TUBGCP6: variants seen among roughly 807,000 people sequenced by gnomAD.
TUBGCP6 encodes tubulin gamma complex component 6.
TUBGCP6 carries 161 observed loss-of-function variants against 175.8 expected under a neutral mutation model. The observed-to-expected ratio is 0.92, with a 90% CI of 0.81 to 1.04. TUBGCP6 has a LOEUF of 1.04. Ranked by LOEUF, TUBGCP6 falls within the 50% of genes least tolerant of loss-of-function variation. The pLI is 0.00. For missense variants in TUBGCP6, 2,572 were observed against 2,433.0 expected, an observed-to-expected ratio of 1.06 and a Z score of -1.20; for synonymous variants, 1,173 against 1,030.5, an observed-to-expected ratio of 1.14 and a Z score of -2.65.
chr22:50,228,278 G>C (rs556196601), intron 4 of TUBGCP6, among the ~76,000 whole-genome samples: 13 of 50,168 alleles, frequency 2.6e-4, no homozygotes, highest in Non-Finnish European at 4.6e-4. Flanking sequence ...GCTGCCCCAG[G>C]GGCGCCCACC....
Position 50,244,102 on chromosome 22 carries a change from T to A in TUBGCP6, c.358A>T (p.Ser120Cys), listed in dbSNP as rs1362681995. 1.2e-6 allele frequency: 2 copies of A among 1,613,562 alleles called. No homozygotes were observed. The highest frequency in any genetic ancestry group is 1.7e-6 in the Non-Finnish European group (2 of 1,180,018). ...CTCGGCAGAACTTGAGGGGGACCAC[T>A]CCCTGCCAGCTGAACCAGGAGGTCC... ...VLDLLVQLAG[S>C]GPPQVLPRKR... Residue 120 changes from serine to cysteine, a missense_variant, in exon 1 of 25, where the codon AGT (serine) becomes TGT (cysteine). Ser to Cys is a moderately radical substitution (Grantham distance 112). Coordinates refer to ENST00000248846, the MANE Select transcript of TUBGCP6 (RefSeq NM_020461.4).
intron 2 of TUBGCP6, among the ~76,000 whole-genome samples, chr22:50,239,701 G>A (rs1463505642): frequency 3.9e-5 from 6 of 152,180 alleles, no homozygotes; most frequent in Non-Finnish European, 4.4e-5. Flanking sequence ...AGACACGGAC[G>A]GAAAAGGTTC....
intron 2 of TUBGCP6, among the ~76,000 whole-genome samples, chr22:50,237,232 G>A (rs182357058): frequency 1.1e-4 from 17 of 152,340 alleles, no homozygotes; most frequent in African/African-American, 2.6e-4. Context: ...GTGGCCCCCC[G>A]TGGGGTCTTG....
intron 2 of TUBGCP6, 64 bp downstream of exon 2, chr22:50,240,140 C>T: frequency 1.2e-6 from 2 of 1,602,590 alleles, no homozygotes; most frequent in East Asian, 2.3e-5. Flanking sequence ...CCACACACCC[C>T]ATCCAAGGCC....
chr22:50,240,153 G>A (rs1032418264), intron 2 of TUBGCP6, 51 bp downstream of exon 2: 4 of 1,609,272 alleles, frequency 2.5e-6, no homozygotes, highest in Middle Eastern at 2.1e-4. Context: ...CCAAGGCCAC[G>A]CTCATGCAGG....
In TUBGCP6 at chr22:50,226,735, G is replaced by C; in HGVS notation, c.1599C>G (p.Thr533=). ...SLLKTSCEPY[T]RFIHDWVYSG... is the part of the protein sequence containing the mutation. ...CGCCTGCCCAGCCCACTGCCCACCG[G>C]GTGTAGGGCTCGCAGCTGGTCTTCA... Residue 533 remains threonine, a splice_region_variant and synonymous_variant, in exon 7 of 25, where the codon ACC becomes ACG. Transcript: ENST00000248846. The C allele has an allele frequency of 6.3e-7, 1 of 1,580,046 alleles. No homozygotes were observed. Among genetic ancestry groups the C allele is most frequent in the Admixed American group, 1.9e-5 (1 of 53,416 alleles).
intron 2 of TUBGCP6, among the ~76,000 whole-genome samples, chr22:50,234,224 ACAGC>A (rs2064731713): frequency 6.9e-6 from 1 of 145,064 alleles, no homozygotes; most frequent in South Asian, 2.2e-4. Flanking sequence ...ACCCAGGTCC[ACAGC>A]AGCATCATCC....
At chr22:50,235,347 C>T (rs553863309) in intron 2 of TUBGCP6, among the ~76,000 whole-genome samples, 173 of 152,288 alleles carry the variant, frequency 1.1e-3, no homozygotes, top group Non-Finnish European at 1.7e-3. Context: ...CCCCCGTCCA[C>T]GGCAACAACA....
At chr22:50,224,025 T>C in intron 13 of TUBGCP6, 116 bp downstream of exon 13, 1 of 904,158 alleles carries the variant, frequency 1.1e-6, no homozygotes, top group South Asian at 1.5e-5. Context: ...TCTTTCTACC[T>C]TAATGTATGT....
chr22:50,231,859 C>CAAAAA (rs71198231), intron 3 of TUBGCP6, among the ~76,000 whole-genome samples: 1 of 123,070 alleles, frequency 8.1e-6, no homozygotes, highest in African/African-American at 3.1e-5. Context: ...GACTCCGTCT[C>CAAAAA]AAAAAAAAAA....
In TUBGCP6 at chr22:50,240,285, C is replaced by A; in HGVS notation, c.824G>T (p.Ser275Ile). ...CCACAGGTCCACGTCTGGGGTCACG[C>A]TGGGCTCAGACTGGGAATCAGGAGT... ...NLTPDSQSEP[S>I]VTPDVDLWEA... Residue 275 changes from serine to isoleucine, a missense_variant, in exon 2 of 25, where the codon AGC becomes ATC. By Grantham distance (142) the Ser-to-Ile change is moderately radical. Coordinates refer to ENST00000248846, the MANE Select transcript of TUBGCP6 (RefSeq NM_020461.4). 6.2e-7 allele frequency: 1 copy of A among 1,614,042 alleles called. No homozygotes were observed. The highest frequency in any genetic ancestry group is 8.5e-7 in the Non-Finnish European group (1 of 1,180,030).
chr22:50,225,830 CCT>C lies in TUBGCP6; in HGVS notation c.1945_1946del (p.Arg649GlyfsTer40), dbSNP rs1489672591. 6.2e-7 allele frequency: 1 copy of C among 1,613,728 alleles called. No individual in the cohort carries two copies. The highest frequency in any genetic ancestry group is 1.3e-5 in the African/African-American group (1 of 75,022). Reference sequence around the variant, plus strand: ...TGCTGACAGAGCTGTGGCGGGCCACCCTCTCCATGCGCCCAACGTAGACGGCA... The same window carrying C: ...TGCTGACAGAGCTGTGGCGGGCCACCCTCCATGCGCCCAACGTAGACGGCA... ...DCAVYVGRME[R>X]VARHSSVSKE... On this transcript the variant is annotated frameshift_variant, in exon 10 of 25. Transcript: ENST00000248846. LOFTEE classifies it high-confidence loss of function.
chr22:50,240,535 G>A (rs1569126922), intron 1 of TUBGCP6, among the ~76,000 whole-genome samples, 168 bp from the exon 2 acceptor site: 1 of 152,146 alleles, frequency 6.6e-6, no homozygotes, highest in Non-Finnish European at 1.5e-5. Flanking sequence ...GCCATTTAAG[G>A]AATTAAACAA....
chr22:50,223,937 A>C, intron 13 of TUBGCP6: 1 of 588,220 alleles, frequency 1.7e-6, no homozygotes, highest in Non-Finnish European at 3.0e-6. Flanking sequence ...ACAAACCACC[A>C]CAAGACAACG....
At chr22:50,242,162 G>A (rs1002436892) in intron 1 of TUBGCP6, among the ~76,000 whole-genome samples, 4 of 152,034 alleles carry the variant, frequency 2.6e-5, no homozygotes, top group Admixed American at 2.0e-4. Context: ...CGTGGTGGCA[G>A]GCACCTGTAG....
chr22:50,240,084 TACTA>T, intron 2 of TUBGCP6, 116 bp downstream of exon 2: 1 of 1,379,890 alleles, frequency 7.2e-7, no homozygotes, highest in South Asian at 1.2e-5. Context: ...TAGCTTAGGT[TACTA>T]ACCCATCACA....
intron 2 of TUBGCP6, among the ~76,000 whole-genome samples, chr22:50,239,168 GTTTT>G (rs1350222803): frequency 2.0e-5 from 3 of 152,006 alleles, no homozygotes; most frequent in Non-Finnish European, 4.4e-5. Context: ...GGAAGTGCGT[GTTTT>G]TTTGTTTGTT....
chr22:50,239,208 ACT>A (rs2064811331), intron 2 of TUBGCP6, among the ~76,000 whole-genome samples: 1 of 151,494 alleles, frequency 6.6e-6, no homozygotes, highest in East Asian at 1.9e-4. Flanking sequence ...AGACAATCTC[ACT>A]CTGTCACCCA....
chr22:50,222,382 T>C, intron 14 of TUBGCP6, 72 bp downstream of exon 14: 1 of 1,589,278 alleles, frequency 6.3e-7, no homozygotes. Context: ...TGTAGGTTTG[T>C]GTGCAGTCTC....
Sources: allele counts gnomAD v4.1 joint callset (sites outside exome capture counted in the v4.1 genomes callset), GRCh38; gene constraint gnomAD v4.1.1; transcripts MANE v1.5; gene names NCBI Gene and HGNC (gene_info 2026-07-23, HGNC 2026-07-21).